Variants in MAP1B observed in about 807,000 individuals in gnomAD.
MAP1B encodes the protein microtubule associated protein 1B.
In MAP1B, 12 loss-of-function variants were observed where a neutral mutation model predicts 176.1. The observed-to-expected ratio is 0.07, with a 90% CI of 0.04 to 0.11. The LOEUF is 0.11. Ranked by LOEUF, MAP1B falls within the 10% of genes least tolerant of loss-of-function variation. The pLI is 1.00. For synonymous variants in MAP1B, 1,044 were observed against 1,135.0 expected (o/e 0.92, Z 1.61); for missense variants, 2,523 against 2,990.5 (o/e 0.84, Z 3.65).
intron 4 of MAP1B, among the ~76,000 whole-genome samples, chr5:72,193,634 C>G (rs1039907995): frequency 6.6e-6 from 1 of 152,072 alleles, no homozygotes; most frequent in African/African-American, 2.4e-5. Flanking sequence ...CGAGTGGGTA[C>G]TGGTTGAGGT....
Position 72,196,304 on chromosome 5 carries a change from T to C in MAP1B, c.2949T>C (p.Asp983=). Residue 983 remains aspartate, a synonymous_variant, in exon 5 of 7, where the codon GAT becomes GAC. Coordinates refer to ENST00000296755, the MANE Select transcript of MAP1B (RefSeq NM_005909.5). The surrounding 1 kb of genome is among the most constrained non-coding windows in gnomAD (Gnocchi z 5.3). ...EDEESAKAEA[D]AYIREKRESV... ...AGGAAAGTGCCAAGGCGGAGGCTGATGCATACATCAGGGAGAAGAGGGAGT... is the reference window on the plus strand; with the variant it reads ...AGGAAAGTGCCAAGGCGGAGGCTGACGCATACATCAGGGAGAAGAGGGAGT... The C allele has an allele frequency of 6.2e-7, 1 of 1,614,032 alleles. No individual in the cohort carries two copies. Among genetic ancestry groups the C allele is most frequent in the Non-Finnish European group, 8.5e-7 (1 of 1,180,018 alleles).
At position 72,203,790 on chromosome 5, in the gene MAP1B, A is replaced by G; in HGVS notation, c.7240A>G (p.Ser2414Gly). 10 of 1,612,426 alleles carry G rather than the reference A, an allele frequency of 6.2e-6. No homozygotes were observed. The highest frequency in any genetic ancestry group is 8.5e-6 in the Non-Finnish European group (10 of 1,180,000). The change falls in exon 6 of 7, where the codon AGC becomes GGC. Residue 2414 changes from serine to glycine, a missense_variant. By Grantham distance (56) the Ser-to-Gly change is moderately conservative. Around this residue, in one of 4 missense-constraint regions of MAP1B, gnomAD observed 287 missense variants for 401.5 expected, o/e 0.71. Coordinates refer to ENST00000296755, the MANE Select transcript of MAP1B (RefSeq NM_005909.5). ...ALLEGKAQWG[S>G]NMQVTLIPTH... ...GTTGGAAGGAAAGGCTCAGTGGGGC[A>G]GCAACATGCAGGTGAGAACTCCTCG...
intron 3 of MAP1B, among the ~76,000 whole-genome samples, chr5:72,184,139 G>A (rs1477477928): frequency 6.6e-6 from 1 of 152,226 alleles, no homozygotes. Flanking sequence ...GTCTGATAGG[G>A]ATGTATTAGG....
chr5:72,200,380 G>A lies in MAP1B; in HGVS notation c.7012+13G>A, dbSNP rs1747305872. 6 of 1,610,404 alleles carry A rather than the reference G, an allele frequency of 3.7e-6. 1 individual carries two copies. The South Asian group carries it at 6.6e-5, about 18-fold the overall frequency. ...ACCGCCACTGCAGGTAGGTTGAGAA[G>A]GCTGGGCATTGGATATATGTCACAA... On this transcript the variant is annotated intron_variant, in intron 5 of 6. Transcript: ENST00000296755.
chr5:72,174,643 G>T (rs1158831485), intron 2 of MAP1B, among the ~76,000 whole-genome samples: 4 of 152,144 alleles, frequency 2.6e-5, no homozygotes, highest in African/African-American at 4.8e-5. Flanking sequence ...ACATGCAGAG[G>T]AGGAGACTCC....
At chr5:72,182,299 T>C (rs1040678399) in intron 2 of MAP1B, among the ~76,000 whole-genome samples, 3 of 152,210 alleles carry the variant, frequency 2.0e-5, no homozygotes, top group Non-Finnish European at 2.9e-5. Context: ...AGTTGCCTAT[T>C]CTAGAGATTT....
At chr5:72,150,333 T>C (rs1401527049) in intron 2 of MAP1B, among the ~76,000 whole-genome samples, 1 of 152,228 alleles carries the variant, frequency 6.6e-6, no homozygotes, top group East Asian at 1.9e-4. Context: ...TCTCTGGTGG[T>C]AACTGGCATG....
At chr5:72,111,333 A>G (rs1396233134) in intron 1 of MAP1B, among the ~76,000 whole-genome samples, 2 of 152,182 alleles carry the variant, frequency 1.3e-5, no homozygotes, top group South Asian at 4.1e-4. Flanking sequence ...CCGTTAGATT[A>G]TAACTTTTCC....
At chr5:72,170,697 C>T (rs1003498283) in intron 2 of MAP1B, among the ~76,000 whole-genome samples, 3 of 152,122 alleles carry the variant, frequency 2.0e-5, no homozygotes, top group East Asian at 1.9e-4. Flanking sequence ...CGGTTGTTCA[C>T]GCCTGTAATC....
chr5:72,123,062 C>G (rs184919435), intron 2 of MAP1B, among the ~76,000 whole-genome samples: 13 of 152,190 alleles, frequency 8.5e-5, no homozygotes, highest in Admixed American at 7.8e-4. Flanking sequence ...TGTTCAGCAC[C>G]TATGGTAGCC....
chr5:72,119,996 A>G (rs1352145589), intron 2 of MAP1B, among the ~76,000 whole-genome samples: 1 of 152,134 alleles, frequency 6.6e-6, no homozygotes, highest in Non-Finnish European at 1.5e-5. Flanking sequence ...TTCCGTTGCC[A>G]TTTGCTTCTT....
intron 5 of MAP1B, among the ~76,000 whole-genome samples, chr5:72,200,592 A>G (rs3828616): frequency 0.24 from 36,877 of 152,150 alleles, 5,012 homozygotes; most frequent in Non-Finnish European, 0.31. Context: ...GCTGTGATTC[A>G]TCACTGGGAT....
At chr5:72,181,203 TA>T (rs1419346818) in intron 2 of MAP1B, among the ~76,000 whole-genome samples, 1 of 152,192 alleles carries the variant, frequency 6.6e-6, no homozygotes, top group African/African-American at 2.4e-5. Flanking sequence ...TGTTAGCTGT[TA>T]CTGAAAGTAG....
At chr5:72,115,889 T>C (rs1745426416) in intron 2 of MAP1B, 90 bp downstream of exon 2, 9 of 888,564 alleles carry the variant, frequency 1.0e-5, no homozygotes, top group Non-Finnish European at 1.7e-5. Flanking sequence ...AAAAAGACTC[T>C]CTTATTGCTA....
At chr5:72,134,847 G>A (rs1307678768) in intron 2 of MAP1B, among the ~76,000 whole-genome samples, 1 of 150,408 alleles carries the variant, frequency 6.6e-6, no homozygotes, top group African/African-American at 2.5e-5. Context: ...CAGGCGGCTG[G>A]TCCCATCAGA....
intron 2 of MAP1B, among the ~76,000 whole-genome samples, chr5:72,159,778 A>C (rs1746295086): frequency 6.6e-6 from 1 of 152,236 alleles, no homozygotes; most frequent in African/African-American, 2.4e-5. Flanking sequence ...TAGGAGCTTC[A>C]TACCAAGTTC....
chr5:72,163,930 C>CTTTTTTTTTTTTT (rs869167918), intron 2 of MAP1B, among the ~76,000 whole-genome samples: 22 of 43,696 alleles, frequency 5.0e-4, no homozygotes, highest in Admixed American at 7.9e-4. Flanking sequence ...TTTTTTTTTT[C>CTTTTTTTTTTTTT]TTTTTTTTTT....
intron 6 of MAP1B, 104 bp downstream of exon 6, chr5:72,203,905 C>A: frequency 1.0e-6 from 1 of 984,604 alleles, no homozygotes; most frequent in Non-Finnish European, 1.5e-6. Flanking sequence ...GATCGTGGAT[C>A]CACATGAGGT....
Position 72,197,413 on chromosome 5 carries a change from T to C in MAP1B, c.4058T>C (p.Ile1353Thr). Residue 1353 changes from isoleucine (I) to threonine (T), a missense_variant, in exon 5 of 7, where the codon ATT becomes ACT. Physicochemically the swap from Ile to Thr is moderately conservative, Grantham distance 89. Transcript: ENST00000296755. ...TCCAGTCATCTCCCTACAGAAGTCATTGAAAAACCACCAGCAGTTCCAGTG... is the reference window on the plus strand; with the variant it reads ...TCCAGTCATCTCCCTACAGAAGTCACTGAAAAACCACCAGCAGTTCCAGTG... ...EKSSHLPTEVIEKPPAVPVSF... is the reference protein window; with the variant it reads ...EKSSHLPTEVTEKPPAVPVSF... 6.2e-7 allele frequency: 1 copy of C among 1,614,204 alleles called. No homozygotes were observed. The highest frequency in any genetic ancestry group is 8.5e-7 in the Non-Finnish European group (1 of 1,180,032).
Sources: gnomAD v4.1 joint callset for allele counts (sites outside exome capture counted in the v4.1 genomes callset) on GRCh38, gnomAD v4.1.1 for gene constraint, gnomAD v4.1.1 regional missense constraint, Gnocchi (gnomAD v3.1) non-coding constraint, MANE v1.5 for transcripts, NCBI Gene and HGNC (gene_info 2026-07-23, HGNC 2026-07-21) for gene names.